Variants in MBNL1 observed in about 807,000 individuals in gnomAD.
MBNL1 encodes the protein muscleblind like splicing regulator 1, also known as muscleblind-like protein 1.
A neutral mutation model predicts 42.2 loss-of-function variants in MBNL1; 8 were observed. That is an observed-to-expected ratio of 0.19 (90% CI 0.11 to 0.34). The LOEUF (loss-of-function observed/expected upper bound fraction) is 0.34. Among genes scored for constraint, MBNL1 ranks in the 10% least tolerant of loss-of-function variants. The pLI is 1.00. For missense variants in MBNL1, 309 were observed against 495.3 expected, an observed-to-expected ratio of 0.62 and a Z score of 3.57; for synonymous variants, 169 against 173.9, an observed-to-expected ratio of 0.97 and a Z score of 0.22.
chr3:152,371,881 A>G (rs2096678384), intron 2 of MBNL1, among the ~76,000 whole-genome samples: 1 of 152,138 alleles, frequency 6.6e-6, no homozygotes, highest in Non-Finnish European at 1.5e-5. Context: ...CCTGGATAAT[A>G]TCCTGAAGAG....
intron 4 of MBNL1, among the ~76,000 whole-genome samples, chr3:152,443,177 GA>G (rs1372580573): frequency 2.4e-4 from 6 of 24,528 alleles, no homozygotes; most frequent in Admixed American, 8.2e-4. Context: ...TTAACCTGTA[GA>G]AACCCCCCCC....
At chr3:152,408,894 A>G (rs1293559598) in intron 2 of MBNL1, among the ~76,000 whole-genome samples, 1 of 152,078 alleles carries the variant, frequency 6.6e-6, no homozygotes, top group Non-Finnish European at 1.5e-5. Flanking sequence ...GCACAGGACA[A>G]CTCCCACAAC....
intron 2 of MBNL1, among the ~76,000 whole-genome samples, chr3:152,313,430 C>T (rs542915461): frequency 1.2e-4 from 19 of 152,278 alleles, no homozygotes; most frequent in Middle Eastern, 3.4e-3. Context: ...TGACATTGTG[C>T]CAATCACTTT....
At position 152,299,851 on chromosome 3, in the gene MBNL1, A is replaced by AT. The variant is rs2060013645; in HGVS notation, c.-339dup. ...GGGTCTGCCACGTTTTCATGCTTGCATTTTGGGCTCCAAATTGGCACTGGG... is the reference window on the plus strand; with the variant it reads ...GGGTCTGCCACGTTTTCATGCTTGCATTTTTGGGCTCCAAATTGGCACTGGG... On this transcript the variant is annotated 5_prime_UTR_variant, in exon 2 of 10. The change creates a premature stop within an existing upstream ORF in the 5' untranslated region. Transcript: ENST00000324210. 2.5e-6 allele frequency: 1 copy of AT among 404,426 alleles called. No individual in the cohort carries two copies. Among genetic ancestry groups the AT allele is most frequent in the East Asian group, 3.5e-5 (1 of 28,224 alleles). The allele number at this position is 404,426 out of a possible 1,614,324, so 25.1% of individuals were successfully genotyped here.
rs564991069 is a variant in MBNL1 at position 152,261,632 on chromosome 3, G to A, written n.333+17192G>A. ...GGGAGGCAAAGAGAGAGAGTTGCAA[G>A]GCCAGTTTGGGATTCACTGAGGCAA... On this transcript the variant is annotated intron_variant and non_coding_transcript_variant, in intron 2 of 2. Coordinates refer to the MBNL1 transcript ENST00000477171. 6.6e-5 allele frequency among the ~76,000 whole-genome samples: 10 copies of A among 152,232 alleles called. No individual in the cohort carries two copies. In the South Asian group the frequency reaches 1.2e-3, roughly 19 times the overall value.
chr3:152,316,756 G>A (rs953056174), intron 2 of MBNL1, among the ~76,000 whole-genome samples: 1 of 152,140 alleles, frequency 6.6e-6, no homozygotes, highest in African/African-American at 2.4e-5. Flanking sequence ...TAGAGAAGAT[G>A]TATTTATCTC....
intron 8 of MBNL1, 27 bp downstream of exon 8, chr3:152,456,388 TA>T (rs1560678483): frequency 3.2e-6 from 5 of 1,586,470 alleles, no homozygotes; most frequent in Non-Finnish European, 4.3e-6. Context: ...CTTTGTTTCT[TA>T]AAAAACAACT....
chr3:152,409,686 T>A (rs1188499985), intron 2 of MBNL1, among the ~76,000 whole-genome samples: 1 of 152,186 alleles, frequency 6.6e-6, no homozygotes, highest in East Asian at 1.9e-4. Context: ...AAAAGACTTA[T>A]GAATATAAGC....
intron 2 of MBNL1, among the ~76,000 whole-genome samples, chr3:152,325,087 G>GCCCCCA (rs2078808448): frequency 6.5e-5 from 1 of 15,368 alleles, no homozygotes; most frequent in Non-Finnish European, 1.4e-4. Context: ...CCACATACCC[G>GCCCCCA]CCCCCCCCCG....
At chr3:152,407,047 C>CTGTGTG (rs373321399) in intron 2 of MBNL1, among the ~76,000 whole-genome samples, 331 of 67,674 alleles carry the variant, frequency 4.9e-3, no homozygotes, top group African/African-American at 0.018. Flanking sequence ...TGTTAAGCCA[C>CTGTGTG]TGTGTGTGTG....
intron 2 of MBNL1, among the ~76,000 whole-genome samples, chr3:152,252,569 G>A (rs1481295130): frequency 4.6e-5 from 7 of 151,904 alleles, no homozygotes; most frequent in African/African-American, 9.7e-5. Context: ...TGAGTTTGGG[G>A]TTGAGCTTTT....
chr3:152,461,979 C>T (rs908596471), intron 9 of MBNL1, among the ~76,000 whole-genome samples: 1 of 151,938 alleles, frequency 6.6e-6, no homozygotes, highest in Admixed American at 6.6e-5. Context: ...TTTAATAGAA[C>T]ATATTACATG....
intron 2 of MBNL1, chr3:152,302,308 A>G (rs2061037037): frequency 6.6e-6 from 1 of 152,192 alleles, no homozygotes; most frequent in Non-Finnish European, 1.5e-5. Context: ...AATTTAAATT[A>G]CAGTGTCTAA....
chr3:152,389,466 A>C (rs184475929), intron 2 of MBNL1, among the ~76,000 whole-genome samples: 1 of 152,160 alleles, frequency 6.6e-6, no homozygotes, highest in African/African-American at 2.4e-5. Flanking sequence ...GTCATTATGT[A>C]AACATCATAG....
intron 2 of MBNL1, among the ~76,000 whole-genome samples, chr3:152,254,858 T>A (rs1056526719): frequency 6.6e-6 from 1 of 152,156 alleles, no homozygotes; most frequent in African/African-American, 2.4e-5. Flanking sequence ...AAATAAGTAC[T>A]ATTATTTCCA....
intron 9 of MBNL1, among the ~76,000 whole-genome samples, chr3:152,460,364 G>C (rs1743091325): frequency 6.6e-6 from 1 of 150,620 alleles, no homozygotes. Context: ...CTTTAAAGTA[G>C]TTACCTCAGA....
At chr3:152,342,639 A>G (rs2093549607) in intron 2 of MBNL1, among the ~76,000 whole-genome samples, 1 of 151,586 alleles carries the variant, frequency 6.6e-6, no homozygotes, top group African/African-American at 2.4e-5. Context: ...TTTCTGGATT[A>G]TAACACTACC....
intron 2 of MBNL1, among the ~76,000 whole-genome samples, chr3:152,374,143 G>C (rs2096796583): frequency 6.6e-6 from 1 of 152,182 alleles, no homozygotes; most frequent in Non-Finnish European, 1.5e-5. Context: ...AAAAGAAATA[G>C]AATAGGGAAA....
intron 4 of MBNL1, among the ~76,000 whole-genome samples, chr3:152,437,329 T>G (rs1049460085): frequency 7.2e-5 from 11 of 152,206 alleles, no homozygotes; most frequent in African/African-American, 2.2e-4. Flanking sequence ...GCCTTCTGGT[T>G]CTTACATAAT....
Sources: gnomAD v4.1 joint callset for allele counts (sites outside exome capture counted in the v4.1 genomes callset) on GRCh38, gnomAD v4.1.1 for gene constraint, MANE v1.5 for transcripts, NCBI Gene and HGNC (gene_info 2026-07-23, HGNC 2026-07-21) for gene names.